Variants in CSMD1 observed in about 807,000 individuals in gnomAD.
The protein encoded by CSMD1 is CUB and Sushi multiple domains 1.
In CSMD1, 213 loss-of-function variants were observed where a neutral mutation model predicts 417.5. The observed-to-expected ratio is 0.51, with a 90% CI of 0.46 to 0.57. The LOEUF is 0.57. CSMD1 is among the 20% of genes least tolerant of loss of function. The pLI is 0.00. For missense variants in CSMD1, 6,923 were observed against 4,529.7 expected (o/e 1.53, Z -15.17); for synonymous variants, 2,862 against 1,736.8 (o/e 1.65, Z -16.11).
At chr8:4,148,611 G>A (rs1042429220) in intron 3 of CSMD1, among the ~76,000 whole-genome samples, 5 of 152,170 alleles carry the variant, frequency 3.3e-5, no homozygotes, top group East Asian at 1.9e-4. Flanking sequence ...AGAGCCTTGT[G>A]TGTAGACAGT....
At chr8:4,622,401 C>T (rs1054693895) in intron 2 of CSMD1, among the ~76,000 whole-genome samples, 4 of 152,022 alleles carry the variant, frequency 2.6e-5, no homozygotes, top group East Asian at 3.9e-4. Flanking sequence ...GACCTTCTGG[C>T]GAGCTACCCG....
At chr8:4,767,725 T>C (rs1352373755) in intron 1 of CSMD1, among the ~76,000 whole-genome samples, 1 of 152,218 alleles carries the variant, frequency 6.6e-6, no homozygotes, top group African/African-American at 2.4e-5. Context: ...ACACCACTTC[T>C]GTGCTCAGGC....
chr8:4,289,237 T>G (rs1005872191), intron 3 of CSMD1, among the ~76,000 whole-genome samples: 3 of 152,248 alleles, frequency 2.0e-5, no homozygotes, highest in Non-Finnish European at 2.9e-5. Context: ...TTTCTCATAT[T>G]GTTATTCAAC....
At chr8:4,110,957 C>T (rs948003037) in intron 3 of CSMD1, among the ~76,000 whole-genome samples, 1 of 152,112 alleles carries the variant, frequency 6.6e-6, no homozygotes, top group East Asian at 1.9e-4. Context: ...ATAAGTATTA[C>T]AGTTTCTTTC....
chr8:4,121,430 A>G (rs970342198), intron 3 of CSMD1, among the ~76,000 whole-genome samples: 1 of 152,108 alleles, frequency 6.6e-6, no homozygotes, highest in African/African-American at 2.4e-5. Context: ...CAGAATTCAC[A>G]CGCCCACCAC....
intron 46 of CSMD1, among the ~76,000 whole-genome samples, chr8:3,097,459 G>C (rs7838234): frequency 0.96 from 145,769 of 152,224 alleles, 69,905 homozygotes; most frequent in African/African-American, 0.99. Context: ...TATACAGTAG[G>C]CCCCCTTACC....
At chr8:3,654,019 C>T (rs892825670) in intron 7 of CSMD1, among the ~76,000 whole-genome samples, 6 of 152,056 alleles carry the variant, frequency 3.9e-5, no homozygotes, top group Non-Finnish European at 7.4e-5. Context: ...AAGCAAATGT[C>T]ACTGCTTGGA....
rs535762111 is a variant in CSMD1, at chr8:3,784,543, C to G, written c.819-30501G>C. Among the ~76,000 whole-genome samples the G allele has an allele frequency of 8.5e-5, 13 of 152,230 alleles. No individual in the cohort carries two copies. The South Asian group carries it at 1.5e-3, about 17-fold the overall frequency. On this transcript the variant is annotated intron_variant, in intron 5 of 69. Coordinates refer to ENST00000635120, the MANE Select transcript of CSMD1 (RefSeq NM_033225.6). ...CAATTTCTAACACACCAACTGGTCC[C>G]TCATGGTCATAAAATGAATATTTAA...
At chr8:3,760,182 C>T (rs1478447619) in intron 5 of CSMD1, among the ~76,000 whole-genome samples, 5 of 152,130 alleles carry the variant, frequency 3.3e-5, no homozygotes, top group Admixed American at 6.5e-5. Flanking sequence ...TGGAGCATCT[C>T]AATCTAGGTC....
intron 1 of CSMD1, among the ~76,000 whole-genome samples, chr8:4,695,170 C>G (rs1478268): frequency 0.71 from 108,529 of 151,898 alleles, 40,263 homozygotes; most frequent in African/African-American, 0.91. Flanking sequence ...AATACACATA[C>G]TCTTTATTTC....
Position 3,096,963 on chromosome 8 carries a change from A to G in CSMD1, c.7024T>C (p.Phe2342Leu). The G allele has an allele frequency of 3.9e-6, 6 of 1,555,478 alleles. No homozygotes were observed. The highest frequency in any genetic ancestry group is 5.2e-6 in the Non-Finnish European group (6 of 1,148,594). Residue 2342 changes from phenylalanine (F) to leucine (L), a missense_variant, in exon 47 of 70, where the codon TTT (phenylalanine) becomes CTT (leucine). By Grantham distance (22) the Phe-to-Leu change is conservative (BLOSUM62 0). Transcript: ENST00000635120. ...CTCCAAGAGCAAGTCTGGGAGTTAA[A>G]ATAATTACCCGGATACCCTGGACTG... Reference protein sequence around the residue: ...ILSPGYPGNYFNSQTCSWSIK... With the variant: ...ILSPGYPGNYLNSQTCSWSIK...
intron 2 of CSMD1, among the ~76,000 whole-genome samples, chr8:4,457,175 G>A (rs537786588): frequency 2.0e-5 from 3 of 152,058 alleles, no homozygotes. Flanking sequence ...TACGGACCTA[G>A]ATGTGAAATG....
chr8:4,758,040 T>G (rs1380721104), intron 1 of CSMD1, among the ~76,000 whole-genome samples: 1 of 151,996 alleles, frequency 6.6e-6, no homozygotes, highest in Non-Finnish European at 1.5e-5. Flanking sequence ...CAAACTCCCT[T>G]TAGGATATCT....
At chr8:4,061,911 A>C (rs1471499182) in intron 3 of CSMD1, among the ~76,000 whole-genome samples, 1 of 152,196 alleles carries the variant, frequency 6.6e-6, no homozygotes, top group Non-Finnish European at 1.5e-5. Flanking sequence ...GAATAAATAA[A>C]TCAATTATGC....
chr8:4,982,595 T>G (rs1292914217), intron 1 of CSMD1, among the ~76,000 whole-genome samples: 1 of 152,218 alleles, frequency 6.6e-6, no homozygotes, highest in East Asian at 1.9e-4. Context: ...ATAGGTTCTA[T>G]TCTTAAAATA....
At chr8:3,693,573 G>T (rs950708605) in intron 7 of CSMD1, among the ~76,000 whole-genome samples, 2 of 152,114 alleles carry the variant, frequency 1.3e-5, no homozygotes, top group South Asian at 4.1e-4. Flanking sequence ...CAGTTCTACA[G>T]TGAATAGAAC....
At chr8:3,575,658 G>T (rs951565211) in intron 9 of CSMD1, among the ~76,000 whole-genome samples, 3 of 151,934 alleles carry the variant, frequency 2.0e-5, no homozygotes, top group Admixed American at 6.6e-5. Context: ...ACAGCACAAC[G>T]CAAATAGGAA....
chr8:4,828,727 T>C (rs1007298900), intron 1 of CSMD1, among the ~76,000 whole-genome samples: 1 of 152,158 alleles, frequency 6.6e-6, no homozygotes, highest in African/African-American at 2.4e-5. Flanking sequence ...CTAACGCTAC[T>C]ACTTTTATCA....
chr8:4,928,894 C>A (rs1171328164), intron 1 of CSMD1, among the ~76,000 whole-genome samples: 1 of 152,020 alleles, frequency 6.6e-6, no homozygotes, highest in African/African-American at 2.4e-5. Flanking sequence ...CATGGTGAAA[C>A]CCCATCTCAA....
Sources: allele counts gnomAD v4.1 joint callset (sites outside exome capture counted in the v4.1 genomes callset), GRCh38; gene constraint gnomAD v4.1.1; transcripts MANE v1.5; gene names NCBI Gene and HGNC (gene_info 2026-07-23, HGNC 2026-07-21).